Variants in CCDC138 observed in about 807,000 individuals in gnomAD.
The protein encoded by CCDC138 is coiled-coil domain-containing protein 138.
In CCDC138, 66 loss-of-function variants were observed where a neutral mutation model predicts 82.3. The ratio of observed to expected loss-of-function variants is 0.80; its 90% CI spans 0.66 to 0.98. CCDC138 has a LOEUF of 0.98. Among genes scored for constraint, CCDC138 ranks in the 50% least tolerant of loss-of-function variants. The pLI is 0.00. For missense variants in CCDC138, 816 were observed against 758.9 expected, an observed-to-expected ratio of 1.08 and a Z score of -0.88; for synonymous variants, 297 against 265.4, an observed-to-expected ratio of 1.12 and a Z score of -1.16.
At chr2:108,855,499 AAG>A (rs1491095346) in intron 12 of CCDC138, among the ~76,000 whole-genome samples, 1 of 152,106 alleles carries the variant, frequency 6.6e-6, no homozygotes, top group African/African-American at 2.4e-5. Context: ...AAAAAAAAAA[AAG>A]GATGTTTCTA....
At chr2:108,862,952 A>G (rs1361972503) in intron 13 of CCDC138, among the ~76,000 whole-genome samples, 1 of 152,196 alleles carries the variant, frequency 6.6e-6, no homozygotes, top group African/African-American at 2.4e-5. Context: ...TTTGGGTAAA[A>G]AAATAATAAA....
At chr2:108,853,967 AATAT>A (rs1210421799) in intron 12 of CCDC138, among the ~76,000 whole-genome samples, 3 of 112,914 alleles carry the variant, frequency 2.7e-5, no homozygotes, top group South Asian at 2.5e-4. Context: ...TATATAATAA[AATAT>A]ATATAATATA....
Position 108,812,874 on chromosome 2 carries a change from C to T in CCDC138, c.988C>T (p.His330Tyr), listed in dbSNP as rs769115423. ...QRLKGSSHAVHEMKSLKQEKA... is the reference protein window; with the variant it reads ...QRLKGSSHAVYEMKSLKQEKA... ...ATTGAAAGGAAGTTCCCATGCTGTT[C>T]ATGAAATGAAAAGTTTAAAACAAGA... The change falls in exon 9 of 15, where the codon CAT (histidine) becomes TAT (tyrosine). Residue 330 changes from histidine to tyrosine, a missense_variant. His to Tyr is a moderately conservative substitution (Grantham distance 83). Transcript: ENST00000295124. 2 of 1,613,346 alleles carry T rather than the reference C, an allele frequency of 1.2e-6. No homozygotes were observed. The highest frequency in any genetic ancestry group is 1.7e-6 in the Non-Finnish European group (2 of 1,179,550).
Position 108,823,415 on chromosome 2 carries a change from C to CA in CCDC138, c.1206+7311dup, listed in dbSNP as rs537448835. Among the ~76,000 whole-genome samples, 318 of 152,298 alleles carry CA rather than the reference C, an allele frequency of 2.1e-3. 2 individuals are homozygous for CA. The highest frequency in any genetic ancestry group is 2.0e-3 in the Admixed American group (31 of 15,300). The stretch of plus-strand genomic sequence containing the variant: ...TAGTACCAAACTGAATTCAACAGTA[C>CA]AGTCATGTGTTGCTTAACAATAGGA... On this transcript the variant is annotated intron_variant, in intron 10 of 14. Coordinates refer to ENST00000295124, the MANE Select transcript of CCDC138 (RefSeq NM_144978.3).
intron 14 of CCDC138, 63 bp from the exon 15 acceptor site, chr2:108,876,025 G>A: frequency 9.8e-7 from 1 of 1,024,376 alleles, no homozygotes; most frequent in South Asian, 1.7e-5. Flanking sequence ...TTATCTGTCA[G>A]TGTCATTGCA....
At chr2:108,825,152 C>T (rs528212385) in intron 10 of CCDC138, among the ~76,000 whole-genome samples, 4 of 152,080 alleles carry the variant, frequency 2.6e-5, no homozygotes, top group Admixed American at 6.6e-5. Flanking sequence ...AAGTTAATAG[C>T]GTAAATAATA....
chr2:108,871,994 C>T (rs1485080075), intron 13 of CCDC138, among the ~76,000 whole-genome samples: 2 of 151,904 alleles, frequency 1.3e-5, no homozygotes, highest in Non-Finnish European at 2.9e-5. Flanking sequence ...CTTTTAATTC[C>T]CCTCTCTCAC....
intron 10 of CCDC138, among the ~76,000 whole-genome samples, chr2:108,838,048 A>G (rs1688863784): frequency 6.6e-6 from 1 of 152,110 alleles, no homozygotes; most frequent in South Asian, 2.1e-4. Flanking sequence ...CAGGGTGAAT[A>G]AATAGGATTG....
At chr2:108,803,091 C>G (rs911068630) in intron 6 of CCDC138, among the ~76,000 whole-genome samples, 2 of 152,178 alleles carry the variant, frequency 1.3e-5, no homozygotes, top group Non-Finnish European at 2.9e-5. Context: ...ATGCATTTCT[C>G]AAAGCTTTTG....
At chr2:108,796,611 A>T (rs1485909916) in intron 5 of CCDC138, among the ~76,000 whole-genome samples, 2 of 152,250 alleles carry the variant, frequency 1.3e-5, no homozygotes, top group African/African-American at 4.8e-5. Flanking sequence ...AAAATGTGGT[A>T]TCTATACACA....
chr2:108,788,729 AAAAG>A, intron 2 of CCDC138, 119 bp from the exon 3 acceptor site: 10 of 1,393,306 alleles, frequency 7.2e-6, no homozygotes, highest in Non-Finnish European at 8.5e-6. Flanking sequence ...CAAAGAAAAA[AAAAG>A]AAAAAAAAAT....
Position 108,813,033 on chromosome 2 carries a change from A to G in CCDC138, c.1041+106A>G, listed in dbSNP as rs1256901172. 1.1e-5 allele frequency: 9 copies of G among 811,526 alleles called. No individual in the cohort carries two copies. In the East Asian group the frequency reaches 2.2e-4, roughly 20 times the overall value. The allele number at this position is 811,526 out of a possible 1,614,324, so 50.3% of individuals were successfully genotyped here. On this transcript the variant is annotated intron_variant, in intron 9 of 14. Transcript: ENST00000295124. Reference sequence around the variant, plus strand: ...GGGAGGCTGAGATGGGCGGATCACGATGTCAGGAGATCGAGACCATCCTGG... The same window carrying G: ...GGGAGGCTGAGATGGGCGGATCACGGTGTCAGGAGATCGAGACCATCCTGG...
In CCDC138 at chr2:108,873,457, T is replaced by C; in HGVS notation, c.1700T>C (p.Leu567Ser). ...CTGTTGATTTGTTTTGCAGAATCCT[T>C]GCAGCCTTTCCTGGAAGCCTGTAGC... The part of the protein sequence containing the change: ...LLQMTVESKS[L>S]QPFLEACSNS... The change falls in exon 14 of 15, where the codon TTG (leucine) becomes TCG (serine). Residue 567 changes from leucine to serine, a missense_variant. By Grantham distance (145) the Leu-to-Ser change is moderately radical. Transcript: ENST00000295124. 1 of 1,596,392 alleles carries C rather than the reference T, an allele frequency of 6.3e-7. No homozygotes were observed. Among genetic ancestry groups the C allele is most frequent in the East Asian group, 2.2e-5 (1 of 44,628 alleles).
rs186512702 is a variant in CCDC138 at position 108,832,234 on chromosome 2, C to T, written c.1207-6951C>T. Among the ~76,000 whole-genome samples the T allele has an allele frequency of 1.6e-4, 25 of 151,736 alleles. No individual in the cohort carries two copies. The East Asian group carries it at 2.5e-3, about 15-fold the overall frequency. On this transcript the variant is annotated intron_variant, in intron 10 of 14. Transcript: ENST00000295124. ...TAGAGACGGGGTTTTACCATGTTGGCCTGGCTGGTCTCAAACTCCTGACCT... is the reference window on the plus strand; with the variant it reads ...TAGAGACGGGGTTTTACCATGTTGGTCTGGCTGGTCTCAAACTCCTGACCT...
At chr2:108,833,686 AT>A in intron 10 of CCDC138, among the ~76,000 whole-genome samples, 1 of 151,470 alleles carries the variant, frequency 6.6e-6, no homozygotes, top group Non-Finnish European at 1.5e-5. Context: ...ATTTTCACAA[AT>A]TTTTTTGTTG....
intron 10 of CCDC138, among the ~76,000 whole-genome samples, chr2:108,831,439 A>T (rs546260730): frequency 2.8e-4 from 42 of 152,326 alleles, no homozygotes; most frequent in African/African-American, 9.6e-4. Flanking sequence ...TTATGTTTGG[A>T]TTAAGAATAT....
chr2:108,814,384 A>G (rs543248283), intron 9 of CCDC138, among the ~76,000 whole-genome samples: 3 of 152,258 alleles, frequency 2.0e-5, no homozygotes, highest in Non-Finnish European at 2.9e-5. Flanking sequence ...TTCTTTATAA[A>G]TTGAGAAAAT....
chr2:108,787,057 C>G (rs887536702), intron 1 of CCDC138, 142 bp downstream of exon 1: 2 of 441,312 alleles, frequency 4.5e-6, no homozygotes, highest in Non-Finnish European at 7.6e-6. Context: ...GCTTGGGCCT[C>G]GTGGAAGCAG....
At chr2:108,846,140 G>C (rs1434505389) in intron 11 of CCDC138, among the ~76,000 whole-genome samples, 1 of 152,118 alleles carries the variant, frequency 6.6e-6, no homozygotes, top group African/African-American at 2.4e-5. Context: ...TGATAAGCTG[G>C]TTTTCATTGA....
Sources: allele counts gnomAD v4.1 joint callset (sites outside exome capture counted in the v4.1 genomes callset), GRCh38; gene constraint gnomAD v4.1.1; transcripts MANE v1.5; gene names NCBI Gene and HGNC (gene_info 2026-07-23, HGNC 2026-07-21).